GTF2F2: variants seen among roughly 807,000 people sequenced by gnomAD.
The protein encoded by GTF2F2 is ATP-dependent helicase GTF2F2.
In GTF2F2, 23 loss-of-function variants were observed where a neutral mutation model predicts 42.2. That is an observed-to-expected ratio of 0.55 (90% CI 0.39 to 0.77). The LOEUF (loss-of-function observed/expected upper bound fraction) is 0.77. Among genes scored for constraint, GTF2F2 ranks in the 30% least tolerant of loss-of-function variants. The pLI, the probability that GTF2F2 is intolerant of heterozygous loss-of-function variation, is 0.00. For synonymous variants in GTF2F2, 105 were observed against 100.8 expected (o/e 1.04, Z -0.25); for missense variants, 261 against 287.2 (o/e 0.91, Z 0.66).
At chr13:45,184,619 CT>C (rs1345798831) in intron 4 of GTF2F2, among the ~76,000 whole-genome samples, 3 of 152,054 alleles carry the variant, frequency 2.0e-5, no homozygotes, top group East Asian at 3.9e-4. Flanking sequence ...CAAAACACCA[CT>C]GTTTGATGCA....
At chr13:45,203,676 T>C (rs1288131819) in intron 4 of GTF2F2, among the ~76,000 whole-genome samples, 6 of 152,194 alleles carry the variant, frequency 3.9e-5, no homozygotes, top group Non-Finnish European at 4.4e-5. Context: ...TTAAAACTAA[T>C]ATAGACAAGT....
At chr13:45,135,655 C>T (rs1209698542) in intron 1 of GTF2F2, among the ~76,000 whole-genome samples, 1 of 152,134 alleles carries the variant, frequency 6.6e-6, no homozygotes, top group Non-Finnish European at 1.5e-5. Flanking sequence ...TTTGCTGTAC[C>T]AAGGTACTGC....
intron 2 of GTF2F2, among the ~76,000 whole-genome samples, chr13:45,148,246 A>G (rs757540566): frequency 6.6e-6 from 1 of 152,162 alleles, no homozygotes; most frequent in Non-Finnish European, 1.5e-5. Flanking sequence ...TTCTAGTGCA[A>G]GTTTCCTGTA....
intron 1 of GTF2F2, among the ~76,000 whole-genome samples, chr13:45,129,077 A>G (rs1441644752): frequency 6.6e-6 from 1 of 152,222 alleles, no homozygotes; most frequent in African/African-American, 2.4e-5. Flanking sequence ...AATATGTTGA[A>G]GAAGTATGAT....
At chr13:45,207,124 A>C (rs1873449066) in intron 4 of GTF2F2, 1 of 261,928 alleles carries the variant, frequency 3.8e-6, no homozygotes, top group South Asian at 8.0e-5. Flanking sequence ...TATACTCTTT[A>C]ATTTGATTTT....
chr13:45,183,098 G>A (rs1293790251), intron 4 of GTF2F2, among the ~76,000 whole-genome samples: 1 of 152,176 alleles, frequency 6.6e-6, no homozygotes, highest in South Asian at 2.1e-4. Flanking sequence ...CCAGGATCTG[G>A]TCCGAAGGCA....
Position 45,186,552 on chromosome 13 carries a change from A to G in GTF2F2, c.305-20872A>G, listed in dbSNP as rs1408890283. On this transcript the variant is annotated intron_variant, in intron 4 of 7. Coordinates refer to ENST00000340473, the MANE Select transcript of GTF2F2 (RefSeq NM_004128.3). ...GTGATTCACCCGCCTCAGCCTCCCA[A>G]AGTGCTGGGATTACAGGTGTGAGCC... is the stretch of plus-strand genomic sequence containing the variant. 3.3e-5 allele frequency among the ~76,000 whole-genome samples: 5 copies of G among 152,120 alleles called. 1 individual carries two copies. In the East Asian group the frequency reaches 9.7e-4, roughly 29 times the overall value.
At chr13:45,193,870 T>C (rs1166311717) in intron 4 of GTF2F2, 1 of 1,614,050 alleles carries the variant, frequency 6.2e-7, no homozygotes, top group Admixed American at 1.7e-5. Flanking sequence ...AAAGCCACAC[T>C]TTAAAGCCAT....
At chr13:45,126,337 C>T (rs550734836) in intron 1 of GTF2F2, among the ~76,000 whole-genome samples, 31 of 150,960 alleles carry the variant, frequency 2.1e-4, no homozygotes, top group African/African-American at 7.3e-4. Flanking sequence ...CTGCAAGCTC[C>T]GCCTCCCGGC....
chr13:45,167,866 C>A (rs1024808221), intron 4 of GTF2F2, among the ~76,000 whole-genome samples: 1 of 152,140 alleles, frequency 6.6e-6, no homozygotes, highest in Non-Finnish European at 1.5e-5. Flanking sequence ...TGTTTCCCCC[C>A]AGTCTAAAAG....
chr13:45,158,325 T>C (rs1371695156), intron 4 of GTF2F2, among the ~76,000 whole-genome samples: 3 of 152,240 alleles, frequency 2.0e-5, no homozygotes, highest in Non-Finnish European at 4.4e-5. Context: ...ATGTAAGACA[T>C]GCCTTTTGCC....
chr13:45,170,543 CT>C (rs1345924675), intron 4 of GTF2F2, among the ~76,000 whole-genome samples: 3 of 152,060 alleles, frequency 2.0e-5, no homozygotes, highest in African/African-American at 7.2e-5. Flanking sequence ...CAACAAATGA[CT>C]TTTTTTTCAG....
At chr13:45,125,563 C>T (rs1045523781) in intron 1 of GTF2F2, among the ~76,000 whole-genome samples, 11 of 152,170 alleles carry the variant, frequency 7.2e-5, no homozygotes, top group African/African-American at 2.2e-4. Context: ...CGTTCGTGAT[C>T]TGCCCGTCTC....
At chr13:45,182,491 G>C (rs1872214490) in intron 4 of GTF2F2, among the ~76,000 whole-genome samples, 1 of 152,064 alleles carries the variant, frequency 6.6e-6, no homozygotes, top group Non-Finnish European at 1.5e-5. Context: ...AAATTGCTTG[G>C]TACTGTGGGG....
At chr13:45,197,681 AG>A (rs1387565270) in intron 4 of GTF2F2, among the ~76,000 whole-genome samples, 1 of 152,092 alleles carries the variant, frequency 6.6e-6, no homozygotes, top group Non-Finnish European at 1.5e-5. Flanking sequence ...ATCTCGTTTT[AG>A]TCTATTCTAA....
intron 4 of GTF2F2, among the ~76,000 whole-genome samples, chr13:45,188,977 A>C (rs1872528919): frequency 6.6e-6 from 1 of 151,624 alleles, no homozygotes; most frequent in African/African-American, 2.4e-5. Flanking sequence ...ATAGGCATAC[A>C]TGTGCCATGT....
At position 45,284,140 on chromosome 13, in the gene GTF2F2, T is replaced by C. The variant is rs1265565030; in HGVS notation, c.*579T>C. ...TCATCATTGGCTTATTTTACCGTAG[T>C]GATGCTGAGATGAGAAATGTGCAGG... On this transcript the variant is annotated 3_prime_UTR_variant, in exon 8 of 8. Coordinates refer to ENST00000340473, the MANE Select transcript of GTF2F2 (RefSeq NM_004128.3). The C allele has an allele frequency of 6.6e-6, 1 of 152,238 alleles. No individual in the cohort carries two copies. Among genetic ancestry groups the C allele is most frequent in the East Asian group, 1.9e-4 (1 of 5,206 alleles). 9.4% of individuals were successfully genotyped at this position (152,238 alleles called of 1,614,324 possible).
chr13:45,208,114 A>G (rs972000934), intron 5 of GTF2F2, among the ~76,000 whole-genome samples: 5 of 151,110 alleles, frequency 3.3e-5, no homozygotes, highest in African/African-American at 1.2e-4. Flanking sequence ...ACCCAGTGAG[A>G]CCTTGTCTCA....
chr13:45,223,342 G>A lies in GTF2F2; in HGVS notation c.386+15837G>A, dbSNP rs374875838. ...TGTATAGGAGAAACAAAACACGTGCGCATGCGTGCACCCCTTATGAGGCTA... is the reference window on the plus strand; with the variant it reads ...TGTATAGGAGAAACAAAACACGTGCACATGCGTGCACCCCTTATGAGGCTA... On this transcript the variant is annotated intron_variant, in intron 5 of 7. Coordinates refer to ENST00000340473, the MANE Select transcript of GTF2F2 (RefSeq NM_004128.3). Among the ~76,000 whole-genome samples, 30 of 150,984 alleles carry A rather than the reference G, an allele frequency of 2.0e-4. No homozygotes were observed. The South Asian group carries it at 4.4e-3, about 22-fold the overall frequency.
Sources: allele counts gnomAD v4.1 joint callset (sites outside exome capture counted in the v4.1 genomes callset), GRCh38; gene constraint gnomAD v4.1.1; transcripts MANE v1.5; gene names NCBI Gene and HGNC (gene_info 2026-07-23, HGNC 2026-07-21).